Variants in FOXP1 observed in about 807,000 individuals in gnomAD.
FOXP1 encodes forkhead box P1.
FOXP1 carries 15 observed loss-of-function variants against 98.2 expected under a neutral mutation model. The ratio of observed to expected loss-of-function variants is 0.15; its 90% CI spans 0.10 to 0.24. The LOEUF (loss-of-function observed/expected upper bound fraction) is 0.24. Among genes scored for constraint, FOXP1 ranks in the 10% least tolerant of loss-of-function variants. FOXP1 has a pLI of 1.00. For synonymous variants in FOXP1, 371 were observed against 314.5 expected (o/e 1.18, Z -1.90); for missense variants, 633 against 848.5 (o/e 0.75, Z 3.15).
At chr3:71,549,523 C>T (rs904518610) in intron 2 of FOXP1, among the ~76,000 whole-genome samples, 2 of 152,124 alleles carry the variant, frequency 1.3e-5, no homozygotes, top group African/African-American at 4.8e-5. Context: ...CACAGGCATA[C>T]ACCATCACAC....
chr3:71,351,239 T>C (rs2077760648), intron 4 of FOXP1, among the ~76,000 whole-genome samples: 1 of 151,942 alleles, frequency 6.6e-6, no homozygotes, highest in African/African-American at 2.4e-5. Flanking sequence ...CTGCTCCAGA[T>C]TTCCCTGGAG....
chr3:70,970,618 GAA>G, intron 19 of FOXP1, 116 bp downstream of exon 19: 1 of 913,788 alleles, frequency 1.1e-6, no homozygotes, highest in South Asian at 1.3e-5. Context: ...GTGCACTTAA[GAA>G]AAAAGTTTAA....
intron 7 of FOXP1, among the ~76,000 whole-genome samples, chr3:71,093,864 G>A (rs902689699): frequency 7.2e-5 from 11 of 152,124 alleles, no homozygotes; most frequent in Admixed American, 6.5e-4. Context: ...ATTGTTGATG[G>A]TGATGGTAAC....
intron 3 of FOXP1, among the ~76,000 whole-genome samples, chr3:71,437,794 G>A (rs1329431176): frequency 3.3e-5 from 5 of 152,166 alleles, no homozygotes; most frequent in East Asian, 1.9e-4. Context: ...TGGCTGGGGC[G>A]TAAGAGACCC....
intron 2 of FOXP1, among the ~76,000 whole-genome samples, chr3:71,547,525 G>A (rs1295491912): frequency 1.3e-5 from 2 of 152,134 alleles, no homozygotes; most frequent in African/African-American, 2.4e-5. Context: ...ATACCACTAG[G>A]GAACCAATGT....
intron 6 of FOXP1, among the ~76,000 whole-genome samples, chr3:71,175,659 G>A (rs540439076): frequency 7.9e-5 from 12 of 152,136 alleles, no homozygotes; most frequent in Non-Finnish European, 1.5e-4. Flanking sequence ...CGGACTCCGG[G>A]TAATCAGCTG....
chr3:71,041,663 T>C (rs569018609), intron 10 of FOXP1, 131 bp from the exon 11 acceptor site: 34 of 836,024 alleles, frequency 4.1e-5, no homozygotes, highest in East Asian at 2.6e-4. Context: ...CAGTTTTTTT[T>C]CCCCTCCCAA....
At chr3:71,107,555 A>G (rs2057541026) in intron 7 of FOXP1, among the ~76,000 whole-genome samples, 2 of 152,166 alleles carry the variant, frequency 1.3e-5, no homozygotes, top group South Asian at 4.1e-4. Flanking sequence ...AATGCTTTGT[A>G]TCAATTTAAA....
intron 3 of FOXP1, among the ~76,000 whole-genome samples, chr3:71,454,932 C>T (rs1214606672): frequency 6.6e-6 from 1 of 152,122 alleles, no homozygotes; most frequent in Non-Finnish European, 1.5e-5. Flanking sequence ...TGTGCATCTC[C>T]TCTGTGCTGC....
At chr3:71,129,771 G>A (rs557063369) in intron 6 of FOXP1, among the ~76,000 whole-genome samples, 9 of 152,152 alleles carry the variant, frequency 5.9e-5, no homozygotes, top group South Asian at 2.1e-4. Context: ...TAAGAGAGCC[G>A]TTAGATTGCT....
At chr3:71,502,031 G>A (rs2041418540) in intron 2 of FOXP1, among the ~76,000 whole-genome samples, 2 of 152,214 alleles carry the variant, frequency 1.3e-5, no homozygotes, top group African/African-American at 4.8e-5. Context: ...CATCAGGAAG[G>A]CTCTTTTGGG....
intron 7 of FOXP1, among the ~76,000 whole-genome samples, chr3:71,054,272 G>C (rs1016805120): frequency 6.6e-6 from 1 of 152,146 alleles, no homozygotes. Context: ...CACACCTTCC[G>C]AACTTAAACA....
chr3:71,198,242 C>G lies in FOXP1; in HGVS notation c.140G>C (p.Gly47Ala), dbSNP rs1485902405. Residue 47 changes from glycine (G) to alanine (A), a missense_variant, in exon 6 of 21, where the codon GGG becomes GCG. Coordinates refer to ENST00000649528, the MANE Select transcript of FOXP1 (RefSeq NM_001349338.3). ...CTGGGCGTGGGCGAGGTCAGCTGCC[C>G]CGATGTCCACGGCCGGCGTCTCTCC... ...SNGETPAVDI[G>A]AADLAHAQQQ... 1 of 1,614,124 alleles carries G rather than the reference C, an allele frequency of 6.2e-7. No individual in the cohort carries two copies. Among genetic ancestry groups the G allele is most frequent in the South Asian group, 1.1e-5 (1 of 91,090 alleles).
chr3:71,360,684 G>A (rs74977644), intron 3 of FOXP1: 16 of 151,978 alleles, frequency 1.1e-4, no homozygotes, highest in African/African-American at 3.6e-4. Flanking sequence ...AAAAAAAAAT[G>A]GAACTATAGA....
intron 5 of FOXP1, among the ~76,000 whole-genome samples, chr3:71,286,742 T>C (rs1287326022): frequency 6.6e-6 from 1 of 152,200 alleles, no homozygotes; most frequent in Non-Finnish European, 1.5e-5. Flanking sequence ...ACTTAATGTC[T>C]AGAAATGTTG....
At chr3:71,318,988 CAG>C (rs2075242762) in intron 4 of FOXP1, among the ~76,000 whole-genome samples, 1 of 152,138 alleles carries the variant, frequency 6.6e-6, no homozygotes, top group Admixed American at 6.5e-5. Flanking sequence ...CATTCATAAA[CAG>C]AATAGAATTA....
intron 13 of FOXP1, among the ~76,000 whole-genome samples, chr3:70,989,045 G>A (rs914187280): frequency 3.3e-5 from 5 of 152,148 alleles, no homozygotes; most frequent in Admixed American, 6.6e-5. Flanking sequence ...TAGATTTAAG[G>A]AGGGACTCAT....
At chr3:71,005,335 A>C (rs867881801) in intron 12 of FOXP1, among the ~76,000 whole-genome samples, 1 of 148,914 alleles carries the variant, frequency 6.7e-6, no homozygotes, top group African/African-American at 2.5e-5. Flanking sequence ...AAAAAAAAAA[A>C]AAAAAACCAG....
intron 7 of FOXP1, among the ~76,000 whole-genome samples, chr3:71,063,688 A>T (rs758891638): frequency 2.0e-5 from 3 of 152,174 alleles, no homozygotes; most frequent in Non-Finnish European, 4.4e-5. Flanking sequence ...TATCAGGCTT[A>T]ATTTTTCCCC....
Sources: allele counts gnomAD v4.1 joint callset (sites outside exome capture counted in the v4.1 genomes callset), GRCh38; gene constraint gnomAD v4.1.1; transcripts MANE v1.5; gene names NCBI Gene and HGNC (gene_info 2026-07-23, HGNC 2026-07-21).